CEP192: variants seen among roughly 807,000 people sequenced by gnomAD.
CEP192 encodes the protein centrosomal protein 192.
A neutral mutation model predicts 271.8 loss-of-function variants in CEP192; 151 were observed. That is an observed-to-expected ratio of 0.56 (90% CI 0.49 to 0.64). CEP192 has a LOEUF of 0.64. Ranked by LOEUF, CEP192 falls within the 30% of genes least tolerant of loss-of-function variation. CEP192 has a pLI of 0.00. For missense variants in CEP192, 2,910 were observed against 3,020.5 expected (o/e 0.96, Z 0.86); for synonymous variants, 995 against 1,076.5 (o/e 0.92, Z 1.48).
At chr18:13,102,714 G>A (rs2039769643) in intron 38 of CEP192, among the ~76,000 whole-genome samples, 1 of 152,160 alleles carries the variant, frequency 6.6e-6, no homozygotes, top group South Asian at 2.1e-4. Flanking sequence ...GCTCCTGCTC[G>A]GATCCCTTGC....
In CEP192 at chr18:13,124,976, G is replaced by C. The variant is rs2040835338; in HGVS notation, c.*206G>C. 1 of 423,554 alleles carries C rather than the reference G, an allele frequency of 2.4e-6. No individual in the cohort carries two copies. Among genetic ancestry groups the C allele is most frequent in the Non-Finnish European group, 4.3e-6 (1 of 233,690 alleles). The allele number at this position is 423,554 out of a possible 1,614,324, so 26.2% of individuals were successfully genotyped here. A position where few individuals can be genotyped will look rare whatever the true frequency, so the allele number is the denominator to read the frequency against. The stretch of plus-strand genomic sequence containing the variant: ...TATTGTACTTAACTTTTACAGGTGA[G>C]AAGAGAGTTCTGTGTTTGCATTGAT... On this transcript the variant is annotated 3_prime_UTR_variant, in exon 45 of 45. Transcript: ENST00000506447.
intron 4 of CEP192, among the ~76,000 whole-genome samples, chr18:13,011,433 A>G (rs1599060449): frequency 6.6e-6 from 1 of 152,178 alleles, no homozygotes; most frequent in South Asian, 2.1e-4. Flanking sequence ...AATGTTAAAT[A>G]TTGTGTTACC....
chr18:13,049,773 A>C lies in CEP192; in HGVS notation c.2899A>C (p.Asn967His). 6.2e-7 allele frequency: 1 copy of C among 1,610,574 alleles called. No homozygotes were observed. ...IVSPKNSDLKNTSPEHGGRGS... is the reference protein window; with the variant it reads ...IVSPKNSDLKHTSPEHGGRGS... Reference sequence around the variant, plus strand: ...ATACCCCTTTCTGATAGATTTGAAAAATACCTCTCCTGAGCATGGTGGACG... The same window carrying C: ...ATACCCCTTTCTGATAGATTTGAAACATACCTCTCCTGAGCATGGTGGACG... Residue 967 changes from asparagine to histidine, a missense_variant, in exon 17 of 45, where the codon AAT becomes CAT. Transcript: ENST00000506447.
At chr18:13,042,385 T>TATCTAGG (rs2036258546) in intron 15 of CEP192, 51 bp downstream of exon 15, 1 of 1,588,394 alleles carries the variant, frequency 6.3e-7, no homozygotes, top group Non-Finnish European at 8.6e-7. Flanking sequence ...TTGTAGTTCT[T>TATCTAGG]ATCTAGGATC....
At chr18:13,099,955 C>T (rs1362421809) in intron 37 of CEP192, among the ~76,000 whole-genome samples, 6 of 152,162 alleles carry the variant, frequency 3.9e-5, no homozygotes, top group African/African-American at 1.2e-4. Flanking sequence ...GAACTAATCT[C>T]CCCCATGGAT....
chr18:13,014,597 T>C (rs1222372077), intron 5 of CEP192, among the ~76,000 whole-genome samples: 8 of 152,206 alleles, frequency 5.3e-5, no homozygotes, highest in Non-Finnish European at 8.8e-5. Flanking sequence ...CTGTTAACAT[T>C]TGCCATATTT....
chr18:13,119,997 A>C (rs1055977639), intron 44 of CEP192, among the ~76,000 whole-genome samples: 1 of 152,166 alleles, frequency 6.6e-6, no homozygotes, highest in Admixed American at 6.5e-5. Context: ...TCATTTTCCA[A>C]CTTTCATTAT....
At chr18:13,085,569 G>A (rs937394923) in intron 30 of CEP192, among the ~76,000 whole-genome samples, 5 of 152,118 alleles carry the variant, frequency 3.3e-5, no homozygotes, top group African/African-American at 1.2e-4. Flanking sequence ...GTTAATTTTT[G>A]TATAAGTTGT....
chr18:13,071,511 A>T (rs1196609659), intron 28 of CEP192, among the ~76,000 whole-genome samples: 1 of 152,194 alleles, frequency 6.6e-6, no homozygotes, highest in Admixed American at 6.5e-5. Flanking sequence ...AGATTTATGG[A>T]GAGCTGCATA....
At chr18:13,002,381 T>C (rs1047739571) in intron 3 of CEP192, among the ~76,000 whole-genome samples, 1 of 152,196 alleles carries the variant, frequency 6.6e-6, no homozygotes, top group Non-Finnish European at 1.5e-5. Context: ...AATATGAATC[T>C]GTGTCATAAT....
At chr18:13,107,147 AACT>A (rs2039993372) in intron 40 of CEP192, among the ~76,000 whole-genome samples, 1 of 152,208 alleles carries the variant, frequency 6.6e-6, no homozygotes, top group Non-Finnish European at 1.5e-5. Context: ...GTAAGGCTTA[AACT>A]AAGCGAGCAT....
At chr18:12,997,276 A>T (rs2033310958) in intron 1 of CEP192, among the ~76,000 whole-genome samples, 1 of 152,172 alleles carries the variant, frequency 6.6e-6, no homozygotes, top group African/African-American at 2.4e-5. Flanking sequence ...GCACCGGCCC[A>T]GTCGGATTAA....
intron 40 of CEP192, among the ~76,000 whole-genome samples, chr18:13,110,137 T>A (rs1053644636): frequency 6.6e-6 from 1 of 152,234 alleles, no homozygotes; most frequent in African/African-American, 2.4e-5. Flanking sequence ...AGTGCACAGT[T>A]GTAATTAAAA....
intron 30 of CEP192, among the ~76,000 whole-genome samples, chr18:13,084,461 T>C (rs561930940): frequency 1.3e-5 from 2 of 152,184 alleles, no homozygotes; most frequent in East Asian, 3.9e-4. Flanking sequence ...TGGTGTGCCG[T>C]TTGCTAAGAG....
At chr18:13,064,680 C>T (rs2037595985) in intron 21 of CEP192, among the ~76,000 whole-genome samples, 1 of 150,864 alleles carries the variant, frequency 6.6e-6, no homozygotes, top group South Asian at 2.1e-4. Context: ...TATTCTGTTC[C>T]TTTGGTCTGT....
In CEP192 at chr18:13,056,361, C is replaced by T. The variant is rs777213904; in HGVS notation, c.3771C>T (p.Ser1257=). 10 of 1,614,126 alleles carry T rather than the reference C, an allele frequency of 6.2e-6. No homozygotes were observed. Among genetic ancestry groups the T allele is most frequent in the African/African-American group, 5.3e-5 (4 of 74,954 alleles). The part of the protein sequence containing the change: ...VHALLTQPSL[S]AAPFAQRYLG... ...CACTCTTGACACAACCCTCTCTCAG[C>T]GCTGCTCCTTTTGCTCAGCGGTATT... Residue 1257 remains serine, a synonymous_variant, in exon 19 of 45, where the codon AGC becomes AGT. Transcript: ENST00000506447.
intron 4 of CEP192, among the ~76,000 whole-genome samples, chr18:13,010,144 AAAAT>A (rs1318319527): frequency 1.3e-5 from 2 of 152,164 alleles, no homozygotes; most frequent in Admixed American, 6.5e-5. Flanking sequence ...CCCTATCTCA[AAAAT>A]AAATAAATAA....
At chr18:13,110,036 C>T (rs887675451) in intron 40 of CEP192, among the ~76,000 whole-genome samples, 1 of 152,152 alleles carries the variant, frequency 6.6e-6, no homozygotes, top group Non-Finnish European at 1.5e-5. Context: ...AATTTATACA[C>T]CTTATACCAT....
intron 6 of CEP192, 92 bp from the exon 7 acceptor site, chr18:13,017,096 C>A: frequency 1.1e-6 from 1 of 949,890 alleles, no homozygotes; most frequent in Non-Finnish European, 1.5e-6. Flanking sequence ...AGTCCATTGA[C>A]TCATTTATGT....
Sources: allele counts gnomAD v4.1 joint callset (sites outside exome capture counted in the v4.1 genomes callset), GRCh38; gene constraint gnomAD v4.1.1; transcripts MANE v1.5; gene names NCBI Gene and HGNC (gene_info 2026-07-23, HGNC 2026-07-21).